FHIT: variants seen among roughly 807,000 people sequenced by gnomAD.
FHIT encodes the protein bis(5'-adenosyl)-triphosphatase.
A neutral mutation model predicts 17.9 loss-of-function variants in FHIT; 19 were observed. The ratio of observed to expected loss-of-function variants is 1.06; its 90% CI spans 0.74 to 1.56. The LOEUF is 1.56. Ranked by LOEUF, FHIT falls within the 40% of genes most tolerant of loss-of-function variation. The pLI, the probability that FHIT is intolerant of heterozygous loss-of-function variation, is 0.00. For missense variants in FHIT, 248 were observed against 189.2 expected, an observed-to-expected ratio of 1.31 and a Z score of -1.82; for synonymous variants, 81 against 69.7, an observed-to-expected ratio of 1.16 and a Z score of -0.81.
At chr3:61,155,420 C>A (rs1270607064) in intron 2 of FHIT, among the ~76,000 whole-genome samples, 2 of 152,114 alleles carry the variant, frequency 1.3e-5, no homozygotes, top group Non-Finnish European at 2.9e-5. Flanking sequence ...CAAACTCTAG[C>A]CCTCTCCATG....
intron 5 of FHIT, among the ~76,000 whole-genome samples, chr3:60,331,881 ATACTC>A: frequency 6.6e-6 from 1 of 151,616 alleles, no homozygotes; most frequent in Non-Finnish European, 1.5e-5. Flanking sequence ...GAAAAGAAAT[ATACTC>A]TACTGACACT....
At chr3:60,173,902 TATA>T (rs1701535039) in intron 5 of FHIT, among the ~76,000 whole-genome samples, 2 of 76,732 alleles carry the variant, frequency 2.6e-5, no homozygotes, top group East Asian at 7.5e-4. Flanking sequence ...TATATATATA[TATA>T]TATATATATA....
intron 5 of FHIT, among the ~76,000 whole-genome samples, chr3:60,161,145 T>C (rs1420557586): frequency 5.9e-5 from 9 of 152,258 alleles, no homozygotes; most frequent in African/African-American, 9.6e-5. Context: ...TGTGTGGCTA[T>C]GTTTGGTCTC....
intron 4 of FHIT, among the ~76,000 whole-genome samples, chr3:60,734,862 TAAAC>T: frequency 6.6e-6 from 1 of 152,284 alleles, no homozygotes; most frequent in African/African-American, 2.4e-5. Flanking sequence ...CATACTGAAA[TAAAC>T]AAACTGTAAA....
chr3:60,560,920 G>C (rs2036920567), intron 4 of FHIT, among the ~76,000 whole-genome samples: 1 of 150,328 alleles, frequency 6.7e-6, no homozygotes, highest in Admixed American at 6.7e-5. Context: ...ACAGAGCCAG[G>C]GACTAAAGAG....
chr3:60,702,013 C>T (rs1257670606), intron 4 of FHIT, among the ~76,000 whole-genome samples: 1 of 152,132 alleles, frequency 6.6e-6, no homozygotes, highest in African/African-American at 2.4e-5. Flanking sequence ...GTGGTTTCGC[C>T]ACCATGCCTT....
chr3:61,047,470 C>T (rs548427055), intron 2 of FHIT, among the ~76,000 whole-genome samples: 94 of 152,056 alleles, frequency 6.2e-4, no homozygotes, highest in South Asian at 3.5e-3. Flanking sequence ...CACTGCTCAA[C>T]GAAATAAAAG....
At chr3:60,561,500 C>T (rs893663438) in intron 4 of FHIT, among the ~76,000 whole-genome samples, 1 of 151,324 alleles carries the variant, frequency 6.6e-6, no homozygotes, top group African/African-American at 2.4e-5. Context: ...AAAAAAAACA[C>T]CTCAATCAAG....
intron 3 of FHIT, among the ~76,000 whole-genome samples, chr3:60,910,472 CGCAATCTTGGCT>C (rs1706685226): frequency 1.3e-5 from 2 of 149,492 alleles, no homozygotes; most frequent in African/African-American, 2.5e-5. Context: ...AGTGCAGTGG[CGCAATCTTGGCT>C]CACTGCAAGC....
intron 4 of FHIT, among the ~76,000 whole-genome samples, chr3:60,671,734 G>A (rs1553693915): frequency 6.7e-6 from 1 of 149,982 alleles, no homozygotes; most frequent in African/African-American, 2.5e-5. Context: ...GAGGTCAGGA[G>A]TTCGTGACCA....
chr3:60,905,809 C>T (rs1387451140), intron 3 of FHIT, among the ~76,000 whole-genome samples: 8 of 151,976 alleles, frequency 5.3e-5, no homozygotes, highest in African/African-American at 1.2e-4. Flanking sequence ...GAAGGATAAA[C>T]CAGAAACTAA....
intron 4 of FHIT, among the ~76,000 whole-genome samples, chr3:60,780,855 G>T (rs1269821682): frequency 6.6e-6 from 1 of 152,150 alleles, no homozygotes; most frequent in Non-Finnish European, 1.5e-5. Flanking sequence ...GGAGGAGCCT[G>T]GTCCCTCCTT....
intron 5 of FHIT, among the ~76,000 whole-genome samples, chr3:60,015,544 C>T (rs1700311235): frequency 6.6e-6 from 1 of 152,098 alleles, no homozygotes; most frequent in Non-Finnish European, 1.5e-5. Flanking sequence ...GAGCAGATTG[C>T]CAGCCTCCAC....
chr3:60,078,754 T>C (rs890724021), intron 5 of FHIT, among the ~76,000 whole-genome samples: 5 of 152,134 alleles, frequency 3.3e-5, no homozygotes, highest in African/African-American at 1.2e-4. Context: ...CACTAAAAAT[T>C]ATATATACAT....
chr3:59,868,864 T>C (rs1281814232), intron 8 of FHIT, among the ~76,000 whole-genome samples: 1 of 152,228 alleles, frequency 6.6e-6, no homozygotes, highest in Non-Finnish European at 1.5e-5. Context: ...TTCTCTTTCC[T>C]ATTGTTCATA....
At chr3:60,631,092 G>A (rs77107344) in intron 4 of FHIT, among the ~76,000 whole-genome samples, 1,670 of 151,952 alleles carry the variant, frequency 0.011, 38 homozygotes, top group African/African-American at 0.039. Flanking sequence ...ATTTCACAGG[G>A]GACAACAGAT....
chr3:61,063,103 C>T (rs921644691), intron 2 of FHIT, among the ~76,000 whole-genome samples: 1 of 151,648 alleles, frequency 6.6e-6, no homozygotes, highest in Non-Finnish European at 1.5e-5. Context: ...ACTAAAAATA[C>T]AAAAAATTAG....
intron 5 of FHIT, among the ~76,000 whole-genome samples, chr3:60,061,597 T>G (rs1702297757): frequency 6.6e-6 from 1 of 152,240 alleles, no homozygotes; most frequent in Non-Finnish European, 1.5e-5. Flanking sequence ...TGTAAATTGT[T>G]AGGCAACCAG....
At chr3:61,151,787 C>G (rs1281109093) in intron 2 of FHIT, among the ~76,000 whole-genome samples, 1 of 151,962 alleles carries the variant, frequency 6.6e-6, no homozygotes, top group African/African-American at 2.4e-5. Context: ...AGGCTGGTCT[C>G]GAGCTCCTGA....
Sources: allele counts gnomAD v4.1 joint callset (sites outside exome capture counted in the v4.1 genomes callset), GRCh38; gene constraint gnomAD v4.1.1; transcripts MANE v1.5; gene names NCBI Gene and HGNC (gene_info 2026-07-23, HGNC 2026-07-21).